DIP2B: variants seen among roughly 807,000 people sequenced by gnomAD.
DIP2B encodes disco-interacting protein 2 homolog B.
In DIP2B, 76 loss-of-function variants were observed where a neutral mutation model predicts 198.0. The ratio of observed to expected loss-of-function variants is 0.38; its 90% confidence interval spans 0.32 to 0.46. The LOEUF (loss-of-function observed/expected upper bound fraction) is 0.46, where lower values mean the gene tolerates loss of function less well. DIP2B is among the 20% of genes least tolerant of loss of function. DIP2B has a pLI of 0.99. For missense variants in DIP2B, 1,559 were observed against 1,978.4 expected, an observed-to-expected ratio of 0.79 and a Z score of 4.02; for synonymous variants, 701 against 739.1, an observed-to-expected ratio of 0.95 and a Z score of 0.84.
intron 23 of DIP2B, among the ~76,000 whole-genome samples, chr12:50,716,787 ATCT>A (rs891888138): frequency 6.6e-6 from 1 of 152,022 alleles, no homozygotes; most frequent in African/African-American, 2.4e-5. Flanking sequence ...TCTTTTTGCC[ATCT>A]TCTTAGTTCC....
chr12:50,506,721 G>C (rs906961227), intron 1 of DIP2B, among the ~76,000 whole-genome samples: 21 of 152,170 alleles, frequency 1.4e-4, no homozygotes, highest in Non-Finnish European at 2.8e-4. Context: ...TTCGAAAATC[G>C]AGGAGCTTTT....
At chr12:50,726,675 T>G (rs1002253629) in intron 28 of DIP2B, among the ~76,000 whole-genome samples, 2 of 151,376 alleles carry the variant, frequency 1.3e-5, no homozygotes, top group Admixed American at 1.3e-4. Flanking sequence ...TTTCTTTTTT[T>G]TTTTTTAAAG....
chr12:50,686,614 C>T lies in DIP2B; in HGVS notation c.1483C>T (p.Leu495Phe), dbSNP rs1939134963. The T allele has an allele frequency of 6.2e-7, 1 of 1,614,040 alleles. No homozygotes were observed. Among genetic ancestry groups the T allele is most frequent in the Non-Finnish European group, 8.5e-7 (1 of 1,180,008 alleles). ...LKWVVTDSKY[L>F]SKPPKDWQPH... ...ATGGGTTGTAACAGATTCCAAGTACCTTTCAAAGCCACCGAAAGACTGGCA... is the reference window on the plus strand; with the variant it reads ...ATGGGTTGTAACAGATTCCAAGTACTTTTCAAAGCCACCGAAAGACTGGCA... The change falls in exon 12 of 38, where the codon CTT (leucine) becomes TTT (phenylalanine). Residue 495 changes from leucine to phenylalanine, a missense_variant. By Grantham distance (22) the Leu-to-Phe change is conservative. Transcript: ENST00000301180.
At chr12:50,686,817 G>A in intron 12 of DIP2B, 135 bp downstream of exon 12, 2 of 802,164 alleles carry the variant, frequency 2.5e-6, no homozygotes, top group Non-Finnish European at 3.9e-6. Context: ...CCATCTTTTG[G>A]CTTGTAAAAT....
At chr12:50,638,835 T>G (rs1938203551) in intron 2 of DIP2B, among the ~76,000 whole-genome samples, 1 of 150,208 alleles carries the variant, frequency 6.7e-6, no homozygotes, top group Admixed American at 6.7e-5. Flanking sequence ...AGCCCTTATC[T>G]GAAATGCTTG....
intron 1 of DIP2B, among the ~76,000 whole-genome samples, chr12:50,603,592 A>C (rs541960433): frequency 6.6e-6 from 1 of 152,014 alleles, no homozygotes; most frequent in Non-Finnish European, 1.5e-5. Flanking sequence ...CTAGCTGGGC[A>C]TGGTTGCATG....
chr12:50,625,068 G>A lies in DIP2B; in HGVS notation c.101-908G>A, dbSNP rs77648328. Reference sequence around the variant, plus strand: ...ACTTTTTTTCCTGTTTTATATATTAGGTTCTATGTAAGGCTTCACAGTAAA... The same window carrying A: ...ACTTTTTTTCCTGTTTTATATATTAAGTTCTATGTAAGGCTTCACAGTAAA... On this transcript the variant is annotated intron_variant, in intron 1 of 37. Transcript: ENST00000301180. 6.6e-3 allele frequency among the ~76,000 whole-genome samples: 1,006 copies of A among 152,060 alleles called. 11 individuals are homozygous for A. Among genetic ancestry groups the A allele is most frequent in the African/African-American group, 0.022 (925 of 41,476 alleles).
rs777968040 is a variant in DIP2B, at chr12:50,674,540, G to A, written c.707G>A (p.Arg236His). 9 of 1,613,944 alleles carry A rather than the reference G, an allele frequency of 5.6e-6. No homozygotes were observed. The East Asian group carries it at 6.7e-5, about 12-fold the overall frequency. The change falls in exon 6 of 38, where the codon CGC (arginine) becomes CAC (histidine). Residue 236 changes from arginine to histidine, a missense_variant. Arg to His is a conservative substitution (Grantham distance 29). Transcript: ENST00000301180. ...TCCTCCTCATCATCTTCCTCAATTCGCCCAGCAAACATTGACCTGCCCCCC... is the reference window on the plus strand; with the variant it reads ...TCCTCCTCATCATCTTCCTCAATTCACCCAGCAAACATTGACCTGCCCCCC... ...TSSSSSSSSI[R>H]PANIDLPPSG...
chr12:50,704,429 T>C (rs147517226), intron 20 of DIP2B, among the ~76,000 whole-genome samples: 1 of 152,348 alleles, frequency 6.6e-6, no homozygotes, highest in African/African-American at 2.4e-5. Context: ...AACTAAGACA[T>C]TTTTTATTTT....
intron 1 of DIP2B, among the ~76,000 whole-genome samples, chr12:50,530,103 GTC>G (rs915959213): frequency 6.6e-6 from 1 of 151,908 alleles, no homozygotes; most frequent in African/African-American, 2.4e-5. Flanking sequence ...TTGAGACAGG[GTC>G]TCTCTCTGTC....
chr12:50,512,616 G>A (rs1039787612), intron 1 of DIP2B, among the ~76,000 whole-genome samples: 1 of 152,206 alleles, frequency 6.6e-6, no homozygotes, highest in African/African-American at 2.4e-5. Context: ...TTGACATCTG[G>A]TGGGCCTGGG....
At chr12:50,600,815 T>C (rs1364748541) in intron 1 of DIP2B, among the ~76,000 whole-genome samples, 1 of 151,834 alleles carries the variant, frequency 6.6e-6, no homozygotes, top group Non-Finnish European at 1.5e-5. Flanking sequence ...CCTGGAGGGC[T>C]CCCCCTGGAA....
intron 23 of DIP2B, among the ~76,000 whole-genome samples, chr12:50,716,972 T>TTTTTTTTTTTTTTG: frequency 7.3e-6 from 1 of 136,316 alleles, no homozygotes; most frequent in Non-Finnish European, 1.6e-5. Flanking sequence ...TTTTTTTTTT[T>TTTTTTTTTTTTTTG]TTTTTTTTTG....
intron 1 of DIP2B, 48 bp from the exon 2 acceptor site, chr12:50,625,928 A>G: frequency 6.3e-7 from 1 of 1,581,258 alleles, no homozygotes; most frequent in Non-Finnish European, 8.7e-7. Flanking sequence ...GTGGAAAACC[A>G]CAGAGTAAGA....
chr12:50,603,962 T>C (rs1417316230), intron 1 of DIP2B, among the ~76,000 whole-genome samples: 1 of 152,084 alleles, frequency 6.6e-6, no homozygotes, highest in Non-Finnish European at 1.5e-5. Flanking sequence ...AGGCCTTGGC[T>C]TGCTGAATTA....
intron 12 of DIP2B, among the ~76,000 whole-genome samples, chr12:50,687,215 A>G (rs1309647314): frequency 6.6e-6 from 1 of 152,192 alleles, no homozygotes; most frequent in Admixed American, 6.5e-5. Context: ...CTTTAAGTGC[A>G]TTTTCTCATG....
At chr12:50,664,266 A>G (rs1003110791) in intron 4 of DIP2B, among the ~76,000 whole-genome samples, 1 of 152,216 alleles carries the variant, frequency 6.6e-6, no homozygotes, top group Non-Finnish European at 1.5e-5. Context: ...AAATATGGTA[A>G]ATAGTTGGCA....
chr12:50,516,839 G>T (rs1279345611), intron 1 of DIP2B, among the ~76,000 whole-genome samples: 2 of 151,928 alleles, frequency 1.3e-5, no homozygotes, highest in African/African-American at 4.8e-5. Flanking sequence ...GCTGGGTGTG[G>T]TGGCGGGTGC....
chr12:50,659,701 C>A (rs1332395063), intron 3 of DIP2B, among the ~76,000 whole-genome samples: 3 of 152,114 alleles, frequency 2.0e-5, no homozygotes, highest in Admixed American at 6.6e-5. Context: ...AAAATAAATC[C>A]TTCTCTTCCT....
Sources: gnomAD v4.1 joint callset for allele counts (sites outside exome capture counted in the v4.1 genomes callset) on GRCh38, gnomAD v4.1.1 for gene constraint, MANE v1.5 for transcripts, NCBI Gene and HGNC (gene_info 2026-07-23, HGNC 2026-07-21) for gene names.